The following RAD51AP2 variants were observed in gnomAD, a reference collection of about 807,000 sequenced individuals.
RAD51AP2 encodes the protein RAD51-associated protein 2.
A neutral mutation model predicts 85.5 loss-of-function variants in RAD51AP2; 67 were observed. That is an observed-to-expected ratio of 0.78 (90% CI 0.64 to 0.96). The LOEUF is 0.96. RAD51AP2 is among the 40% of genes least tolerant of loss of function. The pLI, the probability that RAD51AP2 is intolerant of heterozygous loss-of-function variation, is 0.00. For missense variants in RAD51AP2, 1,307 were observed against 1,332.4 expected (o/e 0.98, Z 0.30); for synonymous variants, 474 against 446.5 (o/e 1.06, Z -0.78).
chr2:17,537,850 T>A, the RAD51AP2 span, among the ~76,000 whole-genome samples: 1 of 152,072 alleles, frequency 6.6e-6, no homozygotes, highest in East Asian at 1.9e-4. Context: ...AATTTGCAAC[T>A]GAAGGAAGAA....
intron 1 of RAD51AP2, 57 bp from the exon 2 acceptor site, chr2:17,514,149 T>C (rs62130401): frequency 0.031 from 28,500 of 922,590 alleles, 532 homozygotes; most frequent in Middle Eastern, 0.049. Flanking sequence ...AAAATATTAA[T>C]GGTATAAACA....
the RAD51AP2 span, among the ~76,000 whole-genome samples, chr2:17,529,727 G>A: frequency 6.6e-6 from 1 of 152,276 alleles, no homozygotes; most frequent in East Asian, 1.9e-4. Context: ...ATCACCCTGG[G>A]ATAGATTAGC....
rs911807995 is a variant in RAD51AP2 at position 17,512,138 on chromosome 2, A to G, written c.3329-1183T>C. On this transcript the variant is annotated intron_variant, in intron 2 of 2. Coordinates refer to ENST00000399080, the MANE Select transcript of RAD51AP2 (RefSeq NM_001099218.3). ...GAGAAGAGAGAGATGGAAAGAGAGA[A>G]GGGATTCATTGAAGACATTTAGTAG... 2.0e-5 allele frequency among the ~76,000 whole-genome samples: 3 copies of G among 152,280 alleles called. No homozygotes were observed. In the East Asian group the frequency reaches 5.8e-4, roughly 29 times the overall value.
chr2:17,511,974 T>G (rs1172311742), intron 2 of RAD51AP2, among the ~76,000 whole-genome samples: 1 of 152,084 alleles, frequency 6.6e-6, no homozygotes, highest in Non-Finnish European at 1.5e-5. Flanking sequence ...AGGGATTGTT[T>G]AAATAAGACA....
At chr2:17,518,919 ATC>A (rs1293267518), upstream of RAD51AP2, among the ~76,000 whole-genome samples, 5 of 152,016 alleles carry the variant, frequency 3.3e-5, no homozygotes, top group African/African-American at 1.2e-4. Context: ...ACCAGACCAA[ATC>A]TCTCTGTGTA....
chr2:17,518,137 T>A lies in RAD51AP2; in HGVS notation c.279A>T (p.Ser93=), dbSNP rs776584632. The change falls in exon 1 of 3, where the codon TCA becomes TCT. Residue 93 remains serine (S), a synonymous_variant. Transcript: ENST00000399080. ...DNSTDSCVEK[S]VSGKQICNLK... Reference sequence around the variant, plus strand: ...GATTACATATCTGCTTCCCACTGACTGATTTCTCCACACACGAGTCTGTGG... The same window carrying A: ...GATTACATATCTGCTTCCCACTGACAGATTTCTCCACACACGAGTCTGTGG... 6.2e-7 allele frequency: 1 copy of A among 1,614,214 alleles called. No homozygotes were observed. Among genetic ancestry groups the A allele is most frequent in the Non-Finnish European group, 8.5e-7 (1 of 1,180,044 alleles).
intron 2 of RAD51AP2, 21 bp from the exon 3 acceptor site, chr2:17,510,976 A>AAG (rs141516716): frequency 0.03 from 45,937 of 1,539,974 alleles, 796 homozygotes; most frequent in Middle Eastern, 0.042. Context: ...AAGACAATAA[A>AAG]AGTAAAAATT....
Position 17,515,631 on chromosome 2 carries a change from G to A in RAD51AP2, c.2785C>T (p.His929Tyr), listed in dbSNP as rs1356625016. Reference protein sequence around the residue: ...RKNDSALYINHQFETGLSEGN... With the variant: ...RKNDSALYINYQFETGLSEGN... The stretch of plus-strand genomic sequence containing the variant: ...TCACTCAGACCAGTTTCAAATTGAT[G>A]ATTAATATATAATGCAGAGTCATTC... The change falls in exon 1 of 3, where the codon CAT becomes TAT. Residue 929 changes from histidine to tyrosine, a missense_variant. This residue lies in a region of RAD51AP2 where 668 missense variants were observed against 671.0 expected (regional missense o/e 1.00). Coordinates refer to ENST00000399080, the MANE Select transcript of RAD51AP2 (RefSeq NM_001099218.3). The A allele has an allele frequency of 1.2e-6, 2 of 1,611,882 alleles. No homozygotes were observed. The highest frequency in any genetic ancestry group is 3.3e-5 in the Admixed American group (2 of 59,776).
Position 17,514,546 on chromosome 2 carries a change from G to A in RAD51AP2, c.3248-454C>T, listed in dbSNP as rs889563780. Among the ~76,000 whole-genome samples, 17 of 151,104 alleles carry A rather than the reference G, an allele frequency of 1.1e-4. 1 individual carries two copies. Among genetic ancestry groups the A allele is most frequent in the Admixed American group, 6.6e-5 (1 of 15,176 alleles). On this transcript the variant is annotated intron_variant, in intron 1 of 2. Coordinates refer to ENST00000399080, the MANE Select transcript of RAD51AP2 (RefSeq NM_001099218.3). The stretch of plus-strand genomic sequence containing the variant: ...GGAGGCCGAGGGCGGCGGGGGGGGT[G>A]GATCACAAGGTCAGGAGTTCGAGAC...
At position 17,516,227 on chromosome 2, in the gene RAD51AP2, GTACTAGAAT is replaced by G; in HGVS notation, c.2180_2188del (p.Asn727_Ser729del). 5 of 1,612,948 alleles carry G rather than the reference GTACTAGAAT, an allele frequency of 3.1e-6. No homozygotes were observed. Among genetic ancestry groups the G allele is most frequent in the Non-Finnish European group, 4.2e-6 (5 of 1,179,642 alleles). On this transcript the variant is annotated inframe_deletion, in exon 1 of 3. Coordinates refer to ENST00000399080, the MANE Select transcript of RAD51AP2 (RefSeq NM_001099218.3). ...ACAAGAATTACCATGTGCTTTAACA[GTACTAGAAT>G]TATAGTGAGCCCAATTTTCCACATT...
intron 2 of RAD51AP2, among the ~76,000 whole-genome samples, chr2:17,513,733 A>G (rs1662565456): frequency 6.6e-6 from 1 of 152,228 alleles, no homozygotes; most frequent in African/African-American, 2.4e-5. Flanking sequence ...TAAACTAGGC[A>G]TATGCAACAC....
At position 17,516,463 on chromosome 2, in the gene RAD51AP2, C is replaced by A. The variant is rs1662670227; in HGVS notation, c.1953G>T (p.Lys651Asn). 6.4e-7 allele frequency: 1 copy of A among 1,555,344 alleles called. No individual in the cohort carries two copies. Among genetic ancestry groups the A allele is most frequent in the Non-Finnish European group, 8.7e-7 (1 of 1,144,618 alleles). The change falls in exon 1 of 3, where the codon AAG becomes AAT. Residue 651 changes from lysine (K) to asparagine (N), a missense_variant. This residue lies in a region of RAD51AP2 where 668 missense variants were observed against 671.0 expected (regional missense o/e 1.00). Coordinates refer to ENST00000399080, the MANE Select transcript of RAD51AP2 (RefSeq NM_001099218.3). ...CAAAAACTTGTTCAGTTCTAAATAA[C>A]TTCCTTTTCTTTAACATAGGTTTCA... is the stretch of plus-strand genomic sequence containing the variant. ...DNMKPMLKKR[K>N]LFRTEQVFEK...
At chr2:17,512,600 T>C (rs138575240) in intron 2 of RAD51AP2, among the ~76,000 whole-genome samples, 64 of 152,352 alleles carry the variant, frequency 4.2e-4, no homozygotes, top group African/African-American at 1.4e-3. Context: ...CCTATATCCA[T>C]TTTATTATCA....
rs1442061223 is a variant in RAD51AP2 at position 17,517,460 on chromosome 2, G to A, written c.956C>T (p.Ala319Val). 4 of 1,613,730 alleles carry A rather than the reference G, an allele frequency of 2.5e-6. No individual in the cohort carries two copies. The highest frequency in any genetic ancestry group is 3.4e-6 in the Non-Finnish European group (4 of 1,179,934). ...KLQNDKKTVEAENIFSKCYEN... is the reference protein window; with the variant it reads ...KLQNDKKTVEVENIFSKCYEN... Reference sequence around the variant, plus strand: ...ATAACATTTGGAAAAAATGTTTTCCGCTTCTACAGTTTTTTTATCATTCTG... The same window carrying A: ...ATAACATTTGGAAAAAATGTTTTCCACTTCTACAGTTTTTTTATCATTCTG... Residue 319 changes from alanine to valine, a missense_variant, in exon 1 of 3, where the codon GCG (alanine) becomes GTG (valine). Physicochemically the swap from Ala to Val is moderately conservative, Grantham distance 64. Coordinates refer to ENST00000399080, the MANE Select transcript of RAD51AP2 (RefSeq NM_001099218.3).
upstream of RAD51AP2, among the ~76,000 whole-genome samples, chr2:17,518,675 G>GTTA (rs1273105723): frequency 2.0e-5 from 3 of 149,644 alleles, no homozygotes; most frequent in Non-Finnish European, 4.4e-5. Context: ...ACCCTGGGCC[G>GTTA]TTACATTGTC....
At position 17,514,367 on chromosome 2, in the gene RAD51AP2, A is replaced by C. The variant is rs1186181960; in HGVS notation, c.3248-275T>G. ...AAATTTCAAGGTGAAGCTGTGTCAA[A>C]GTTCAAGGTGAAGCTGTCTCAAACA... On this transcript the variant is annotated intron_variant, in intron 1 of 2. Transcript: ENST00000399080. 2.0e-5 allele frequency among the ~76,000 whole-genome samples: 3 copies of C among 152,338 alleles called. No individual in the cohort carries two copies. The East Asian group carries it at 5.8e-4, about 29-fold the overall frequency.
chr2:17,515,845 T>C lies in RAD51AP2; in HGVS notation c.2571A>G (p.Glu857=). 1 of 1,610,104 alleles carries C rather than the reference T, an allele frequency of 6.2e-7. No individual in the cohort carries two copies. The highest frequency in any genetic ancestry group is 8.5e-7 in the Non-Finnish European group (1 of 1,177,658). Residue 857 remains glutamate (E), a synonymous_variant, in exon 1 of 3, where the codon GAA becomes GAG. Transcript: ENST00000399080. ...GAAAAAAACTATCTTTCTCTTCCTT[T>C]TCTATCTTAGTATCTTTGTGAACTT... The part of the protein sequence containing the change: ...SCQVHKDTKI[E]KEEKDSFFPM...
rs766977152 is a variant in RAD51AP2, at chr2:17,515,613, G to A, written c.2803C>T (p.Leu935=). Residue 935 remains leucine, a synonymous_variant, in exon 1 of 3, where the codon CTG becomes TTG. Transcript: ENST00000399080. ...AAACATTCATCATTCCCTTCACTCA[G>A]ACCAGTTTCAAATTGATGATTAATA... ...LYINHQFETG[L]SEGNDECFQD... 13 of 1,611,346 alleles carry A rather than the reference G, an allele frequency of 8.1e-6. No individual in the cohort carries two copies. The African/African-American group carries it at 1.7e-4, about 22-fold the overall frequency.
chr2:17,529,459 A>G, the RAD51AP2 span, among the ~76,000 whole-genome samples: 1 of 152,128 alleles, frequency 6.6e-6, no homozygotes, highest in Non-Finnish European at 1.5e-5. Flanking sequence ...TAGTAAAATC[A>G]TAGAAAAATA....
Sources: gnomAD v4.1 joint callset for allele counts (sites outside exome capture counted in the v4.1 genomes callset) on GRCh38, gnomAD v4.1.1 for gene constraint, gnomAD v4.1.1 regional missense constraint, MANE v1.5 for transcripts, NCBI Gene and HGNC (gene_info 2026-07-23, HGNC 2026-07-21) for gene names.